The following CCNC variants were observed in gnomAD, a reference collection of about 807,000 sequenced individuals.
The protein encoded by CCNC is cyclin C, also known as cyclin-C.
In CCNC, 19 loss-of-function variants were observed where a neutral mutation model predicts 50.0. That is an observed-to-expected ratio of 0.38 (90% CI 0.27 to 0.56). The LOEUF (loss-of-function observed/expected upper bound fraction) is 0.56. Among genes scored for constraint, CCNC ranks in the 20% least tolerant of loss-of-function variants. CCNC has a pLI of 0.72. For synonymous variants in CCNC, 93 were observed against 103.7 expected, an observed-to-expected ratio of 0.90 and a Z score of 0.63; for missense variants, 200 against 327.1, an observed-to-expected ratio of 0.61 and a Z score of 3.00.
At position 99,561,309 on chromosome 6, in the gene CCNC, C is replaced by T. The variant is rs1054786490; in HGVS notation, c.294+58G>A. The T allele has an allele frequency of 2.8e-6, 3 of 1,088,424 alleles. No individual in the cohort carries two copies. The African/African-American group carries it at 4.7e-5, about 17-fold the overall frequency. 67.4% of individuals were successfully genotyped at this position (1,088,424 alleles called of 1,614,324 possible). A position where few individuals can be genotyped will look rare whatever the true frequency, so the allele number is the denominator to read the frequency against. On this transcript the variant is annotated intron_variant, in intron 4 of 11. Transcript: ENST00000520429. ...TACATAGGCCATGTGAAAACTGGGG[C>T]AGATTAACCAACATACATTGACTAC...
chr6:99,568,592 C>A lies in CCNC; in HGVS notation c.-65G>T, dbSNP rs1769262107. ...GAGCGGCCCGCGGAGCGACCATAGA[C>A]CCAGCCCGTCCGGTAACCGCGCTCC... On this transcript the variant is annotated 5_prime_UTR_variant, in exon 1 of 12. Coordinates refer to ENST00000520429, the MANE Select transcript of CCNC (RefSeq NM_005190.4). 6.3e-7 allele frequency: 1 copy of A among 1,584,276 alleles called. No individual in the cohort carries two copies. Among genetic ancestry groups the A allele is most frequent in the Non-Finnish European group, 8.6e-7 (1 of 1,166,308 alleles).
At chr6:99,559,710 AG>A (rs1802693447) in intron 4 of CCNC, among the ~76,000 whole-genome samples, 1 of 148,132 alleles carries the variant, frequency 6.8e-6, no homozygotes, top group African/African-American at 2.5e-5. Context: ...TCTCTTTCTC[AG>A]GAATAATTCT....
rs778326258 is a variant in CCNC, at chr6:99,543,576, G to A, written c.831C>T (p.Asn277=). 2 of 1,613,390 alleles carry A rather than the reference G, an allele frequency of 1.2e-6. No homozygotes were observed. The highest frequency in any genetic ancestry group is 2.2e-5 in the South Asian group (2 of 91,058). Residue 277 remains asparagine, a synonymous_variant, in exon 12 of 12, where the codon AAC becomes AAT. Transcript: ENST00000520429. ...EGEQGPNGSQ[N]SSYSQS ...TGTTTTAAGATTGGCTGTAGCTAGA[G>A]TTCTGACTTCCATTTGGACCCTGCT...
intron 7 of CCNC, 197 bp from the exon 8 acceptor site, chr6:99,550,506 T>G (rs1802247803): frequency 2.0e-6 from 1 of 499,666 alleles, no homozygotes; most frequent in African/African-American, 2.0e-5. Context: ...CAGTGCTCTC[T>G]CTGGAATATA....
chr6:99,566,864 T>C, intron 1 of CCNC: 1 of 431,036 alleles, frequency 2.3e-6, no homozygotes. Context: ...ATATAGCATA[T>C]TTAATATCAA....
At chr6:99,547,864 G>A (rs1314893770) in intron 9 of CCNC, among the ~76,000 whole-genome samples, 1 of 152,112 alleles carries the variant, frequency 6.6e-6, no homozygotes, top group Non-Finnish European at 1.5e-5. Context: ...GAAATGAGAA[G>A]ATGACTATGA....
rs376283305 is a variant in CCNC at position 99,549,589 on chromosome 6, A to T, written c.531-14T>A. The stretch of plus-strand genomic sequence containing the variant: ...TTCACTATCCTCCTATAGAAATGTA[A>T]ATCATATTATTACTGAAAGCAGAAC... On this transcript the variant is annotated splice_polypyrimidine_tract_variant and intron_variant, in intron 8 of 11. Coordinates refer to ENST00000520429, the MANE Select transcript of CCNC (RefSeq NM_005190.4). 1 of 1,534,360 alleles carries T rather than the reference A, an allele frequency of 6.5e-7. No individual in the cohort carries two copies. The highest frequency in any genetic ancestry group is 9.0e-7 in the Non-Finnish European group (1 of 1,109,892).
At chr6:99,566,436 CTG>C (rs770167223) in intron 1 of CCNC, among the ~76,000 whole-genome samples, 1 of 151,948 alleles carries the variant, frequency 6.6e-6, no homozygotes, top group African/African-American at 2.4e-5. Flanking sequence ...TAGTAAGTAA[CTG>C]TATTTTCAGT....
chr6:99,546,268 T>C (rs1218217140), intron 10 of CCNC, 127 bp downstream of exon 10: 3 of 655,906 alleles, frequency 4.6e-6, no homozygotes, highest in Non-Finnish European at 8.1e-6. Context: ...GCCCAGCCCA[T>C]GTTTCTTAAT....
rs761291714 is a variant in CCNC at position 99,558,419 on chromosome 6, T to TA, written c.346+77dup. The TA allele has an allele frequency of 0.024, 26,867 of 1,141,226 alleles. No individual in the cohort carries two copies. The highest frequency in any genetic ancestry group is 0.04 in the South Asian group (2,476 of 62,582). 70.7% of individuals were successfully genotyped at this position (1,141,226 alleles called of 1,614,324 possible). A position where few individuals can be genotyped will look rare whatever the true frequency, so the allele number is the denominator to read the frequency against. ...AACCAATCTCATATGTCTCATAAAC[T>TA]AAAAAAAAAAAAATCTATGTACTCT... On this transcript the variant is annotated intron_variant, in intron 5 of 11. Transcript: ENST00000520429.
rs546190213 is a variant in CCNC at position 99,564,640 on chromosome 6, T to C, written c.33-1692A>G. Among the ~76,000 whole-genome samples, 8 of 152,250 alleles carry C rather than the reference T, an allele frequency of 5.3e-5. No individual in the cohort carries two copies. The East Asian group carries it at 1.5e-3, about 29-fold the overall frequency. Reference sequence around the variant, plus strand: ...CTAATGGGATTACCGATTTTTTTAATGATTAAGAGATTCTTCTGATCTAAA... The same window carrying C: ...CTAATGGGATTACCGATTTTTTTAACGATTAAGAGATTCTTCTGATCTAAA... On this transcript the variant is annotated intron_variant, in intron 1 of 11. Transcript: ENST00000520429.
In CCNC at chr6:99,548,589, T is replaced by C. The variant is rs547914864; in HGVS notation, c.598+919A>G. Among the ~76,000 whole-genome samples, 60 of 151,716 alleles carry C rather than the reference T, an allele frequency of 4.0e-4. 1 individual carries two copies. The highest frequency in any genetic ancestry group is 2.1e-3 in the South Asian group (10 of 4,804). On this transcript the variant is annotated intron_variant, in intron 9 of 11. Coordinates refer to ENST00000520429, the MANE Select transcript of CCNC (RefSeq NM_005190.4). ...CAGCACTCTGAGAGGCCAAGGAGGG[T>C]GGATCACCTGAGGTCAGGAGTTCAA...
chr6:99,560,488 G>A (rs1260040246), intron 4 of CCNC, among the ~76,000 whole-genome samples: 1 of 152,162 alleles, frequency 6.6e-6, no homozygotes, highest in Non-Finnish European at 1.5e-5. Context: ...CAAAAGGAAT[G>A]TAAACTTACT....
At chr6:99,558,694 C>CTGATA in intron 4 of CCNC, 146 bp from the exon 5 acceptor site, 7 of 615,594 alleles carry the variant, frequency 1.1e-5, no homozygotes, top group Non-Finnish European at 1.9e-5. Flanking sequence ...CCTAAATGTA[C>CTGATA]AGGCTGATTA....
rs1194836390 is a variant in CCNC, at chr6:99,568,612, C to T, written c.-85G>A. The T allele has an allele frequency of 1.0e-5, 16 of 1,567,778 alleles. No homozygotes were observed. The highest frequency in any genetic ancestry group is 1.4e-5 in the Non-Finnish European group (16 of 1,158,050). Reference sequence around the variant, plus strand: ...ATAGACCCAGCCCGTCCGGTAACCGCGCTCCTCGATCAAATCAGCTCGGCT... The same window carrying T: ...ATAGACCCAGCCCGTCCGGTAACCGTGCTCCTCGATCAAATCAGCTCGGCT... On this transcript the variant is annotated 5_prime_UTR_variant, in exon 1 of 12. Transcript: ENST00000520429.
At chr6:99,549,646 A>G (rs1802212421) in intron 8 of CCNC, 71 bp from the exon 9 acceptor site, 2 of 965,442 alleles carry the variant, frequency 2.1e-6, no homozygotes, top group South Asian at 2.8e-5. Flanking sequence ...TCCTCCAGAG[A>G]GGGCCAGATT....
chr6:99,545,317 G>T, intron 10 of CCNC, 87 bp from the exon 11 acceptor site: 1 of 688,242 alleles, frequency 1.5e-6, no homozygotes, highest in Non-Finnish European at 2.6e-6. Flanking sequence ...ACAACCCTCA[G>T]AAAACAGTAA....
rs112973777 is a variant in CCNC, at chr6:99,546,491, A to G, written c.599-17T>C. 4.6e-6 allele frequency: 7 copies of G among 1,537,342 alleles called. No individual in the cohort carries two copies. The highest frequency in any genetic ancestry group is 1.7e-5 in the Admixed American group (1 of 59,746). On this transcript the variant is annotated splice_polypyrimidine_tract_variant and intron_variant, in intron 9 of 11. Coordinates refer to ENST00000520429, the MANE Select transcript of CCNC (RefSeq NM_005190.4). ...GTAGGCAAGCTGAAATGAAAATGAG[A>G]GACAACTGTCCATGTTTAACTGCAA...
chr6:99,558,380 A>T, intron 5 of CCNC, 117 bp downstream of exon 5: 1 of 1,476,810 alleles, frequency 6.8e-7, no homozygotes, highest in Non-Finnish European at 9.0e-7. Flanking sequence ...ATCCTCAGGA[A>T]ATTTAATAAA....
Sources: allele counts gnomAD v4.1 joint callset (sites outside exome capture counted in the v4.1 genomes callset), GRCh38; gene constraint gnomAD v4.1.1; transcripts MANE v1.5; gene names NCBI Gene and HGNC (gene_info 2026-07-23, HGNC 2026-07-21).